The following EIPR1 variants were observed in gnomAD, a reference collection of about 807,000 sequenced individuals.
EIPR1 encodes EARP complex and GARP complex interacting protein 1, also known as EARP and GARP complex-interacting protein 1.
EIPR1 carries 25 observed loss-of-function variants against 48.1 expected under a neutral mutation model. The ratio of observed to expected loss-of-function variants is 0.52; its 90% CI spans 0.38 to 0.73. EIPR1 has a LOEUF of 0.73. EIPR1 is among the 30% of genes least tolerant of loss of function. The pLI is 0.00. For synonymous variants in EIPR1, 204 were observed against 201.9 expected (o/e 1.01, Z -0.09); for missense variants, 415 against 506.2 (o/e 0.82, Z 1.73).
chr2:3,327,929 G>A (rs1437756265), intron 3 of EIPR1, among the ~76,000 whole-genome samples: 2 of 151,898 alleles, frequency 1.3e-5, no homozygotes, highest in Non-Finnish European at 2.9e-5. Context: ...GCACAATCAC[G>A]GGTCACTGCA....
chr2:3,340,269 G>A (rs774714176), intron 2 of EIPR1, among the ~76,000 whole-genome samples: 22 of 152,238 alleles, frequency 1.4e-4, no homozygotes, highest in Non-Finnish European at 2.8e-4. Context: ...CATGTGAGCT[G>A]AACCACAATC....
Position 3,377,629 on chromosome 2 carries a change from C to T in EIPR1, c.42+19G>A. The T allele has an allele frequency of 6.4e-7, 1 of 1,565,770 alleles. No individual in the cohort carries two copies. The highest frequency in any genetic ancestry group is 8.7e-7 in the Non-Finnish European group (1 of 1,154,712). On this transcript the variant is annotated intron_variant, in intron 1 of 8. Coordinates refer to ENST00000382125, the MANE Select transcript of EIPR1 (RefSeq NM_003310.5). ...AACAGCCAGGCCGAGCAGCACCTGC[C>T]GCCCTCCCAGTGACCCACCTGGAAC...
chr2:3,199,371 G>A (rs942257996), intron 5 of EIPR1, among the ~76,000 whole-genome samples: 24 of 152,202 alleles, frequency 1.6e-4, no homozygotes, highest in Non-Finnish European at 3.2e-4. Context: ...TTACGAAGAT[G>A]ACGGGATTAA....
intron 3 of EIPR1, among the ~76,000 whole-genome samples, chr2:3,303,726 C>A (rs1025783012): frequency 2.6e-5 from 4 of 152,200 alleles, no homozygotes; most frequent in Non-Finnish European, 5.9e-5. Flanking sequence ...TTCCCGGCAC[C>A]GTGAACACAA....
intron 3 of EIPR1, among the ~76,000 whole-genome samples, chr2:3,328,354 G>A (rs937803582): frequency 1.2e-4 from 18 of 151,998 alleles, no homozygotes; most frequent in Non-Finnish European, 1.8e-4. Flanking sequence ...CTGGATCAGA[G>A]CCCACCCACC....
intron 3 of EIPR1, among the ~76,000 whole-genome samples, chr2:3,314,769 G>C (rs1395307457): frequency 6.6e-6 from 1 of 151,814 alleles, no homozygotes; most frequent in Admixed American, 6.6e-5. Flanking sequence ...CCAGCCTCCA[G>C]CTAGCCTCTC....
Position 3,333,360 on chromosome 2 carries a change from G to A in EIPR1, c.259+4657C>T, listed in dbSNP as rs1405204784. ...TAGCCACGTCCTAAAGAAGAGCCGG[G>A]CCCTCCAAATGAACTCTGTTTCTAG... On this transcript the variant is annotated intron_variant, in intron 3 of 8. Transcript: ENST00000382125. Among the ~76,000 whole-genome samples, 8 of 152,220 alleles carry A rather than the reference G, an allele frequency of 5.3e-5. No individual in the cohort carries two copies. In the Middle Eastern group the frequency reaches 0.014, roughly 259 times the overall value.
intron 3 of EIPR1, among the ~76,000 whole-genome samples, chr2:3,337,303 A>G (rs935454094): frequency 6.6e-6 from 1 of 152,244 alleles, no homozygotes; most frequent in East Asian, 1.9e-4. Context: ...GAATGCATTA[A>G]AAGTACCTAA....
chr2:3,246,525 C>A (rs1326565440), intron 4 of EIPR1, among the ~76,000 whole-genome samples: 1 of 127,494 alleles, frequency 7.8e-6, no homozygotes, highest in Non-Finnish European at 1.7e-5. Context: ...GCCTGTCTGG[C>A]ATTTCACTGT....
chr2:3,219,312 G>A (rs1304857140), intron 4 of EIPR1, among the ~76,000 whole-genome samples: 1 of 35,578 alleles, frequency 2.8e-5, no homozygotes, highest in Admixed American at 3.1e-4. Flanking sequence ...AGTGAGTCAG[G>A]TGCACACTCA....
At chr2:3,234,914 G>A (rs908434688) in intron 4 of EIPR1, among the ~76,000 whole-genome samples, 2 of 152,194 alleles carry the variant, frequency 1.3e-5, no homozygotes, top group Admixed American at 6.5e-5. Flanking sequence ...AGCTGGTCCC[G>A]GGCCTGTGGC....
Position 3,318,404 on chromosome 2 carries a change from C to A in EIPR1, c.259+19613G>T, listed in dbSNP as rs1669381333. Among the ~76,000 whole-genome samples, 4 of 152,320 alleles carry A rather than the reference C, an allele frequency of 2.6e-5. No individual in the cohort carries two copies. The South Asian group carries it at 8.3e-4, about 32-fold the overall frequency. On this transcript the variant is annotated intron_variant, in intron 3 of 8. Transcript: ENST00000382125. ...GGGACCAAGTCTTATTTCACATCTT[C>A]ATTAGTGATCTGGAAGGAGCCATAA...
intron 4 of EIPR1, among the ~76,000 whole-genome samples, chr2:3,232,700 G>A (rs1035271273): frequency 3.9e-5 from 6 of 152,142 alleles, no homozygotes; most frequent in African/African-American, 1.4e-4. Context: ...TCAGGGGAGA[G>A]AGCCGGTTCC....
At chr2:3,301,450 T>C (rs1280712741) in intron 3 of EIPR1, 1 of 151,656 alleles carries the variant, frequency 6.6e-6, no homozygotes, top group Non-Finnish European at 1.5e-5. Flanking sequence ...TGGCCTTCAC[T>C]CCCTGTGCCT....
intron 3 of EIPR1, among the ~76,000 whole-genome samples, chr2:3,287,506 C>A (rs560341167): frequency 2.0e-5 from 3 of 151,734 alleles, no homozygotes; most frequent in Non-Finnish European, 4.4e-5. Context: ...GTTCACCACA[C>A]TCCAGAAAGT....
intron 1 of EIPR1, among the ~76,000 whole-genome samples, chr2:3,369,492 G>C (rs994902747): frequency 1.3e-5 from 2 of 152,208 alleles, no homozygotes; most frequent in Non-Finnish European, 2.9e-5. Context: ...CAAGGAAAGG[G>C]GTGACAGACA....
intron 1 of EIPR1, among the ~76,000 whole-genome samples, chr2:3,358,856 A>C (rs1670792946): frequency 6.6e-6 from 1 of 152,212 alleles, no homozygotes; most frequent in Non-Finnish European, 1.5e-5. Context: ...CAAATGCAGG[A>C]CTGTGTTATC....
At chr2:3,209,434 C>G (rs1665362324) in intron 5 of EIPR1, among the ~76,000 whole-genome samples, 1 of 152,234 alleles carries the variant, frequency 6.6e-6, no homozygotes, top group South Asian at 2.1e-4. Context: ...AGCTCGGACT[C>G]CGTGTCCCCC....
chr2:3,269,647 CATCACACTCA>C (rs1667639300), intron 3 of EIPR1, among the ~76,000 whole-genome samples: 1 of 151,386 alleles, frequency 6.6e-6, no homozygotes, highest in Non-Finnish European at 1.5e-5. Context: ...CACACTCAAT[CATCACACTCA>C]ATCATCACAC....
Sources: allele counts gnomAD v4.1 joint callset (sites outside exome capture counted in the v4.1 genomes callset), GRCh38; gene constraint gnomAD v4.1.1; transcripts MANE v1.5; gene names NCBI Gene and HGNC (gene_info 2026-07-23, HGNC 2026-07-21).